Variants in VPS13C observed in about 807,000 individuals in gnomAD.
The protein encoded by VPS13C is intermembrane lipid transfer protein VPS13C.
A neutral mutation model predicts 456.8 loss-of-function variants in VPS13C; 358 were observed. The observed-to-expected ratio is 0.78, with a 90% CI of 0.72 to 0.86. VPS13C has a LOEUF of 0.86. Among genes scored for constraint, VPS13C ranks in the 40% least tolerant of loss-of-function variants. The probability of loss-of-function intolerance (pLI) is 0.00; values close to 1 mark genes in which losing one functional copy is unlikely to be tolerated. For synonymous variants in VPS13C, 1,578 were observed against 1,486.7 expected, an observed-to-expected ratio of 1.06 and a Z score of -1.41; for missense variants, 4,818 against 4,385.4, an observed-to-expected ratio of 1.10 and a Z score of -2.79.
intron 67 of VPS13C, among the ~76,000 whole-genome samples, chr15:61,886,337 A>AC (rs1248514202): frequency 6.6e-6 from 1 of 152,150 alleles, no homozygotes; most frequent in African/African-American, 2.4e-5. Context: ...TATACTGTCA[A>AC]CATATATTGC....
Position 61,880,830 on chromosome 15 carries a change from T to G in VPS13C, c.9888+13A>C, listed in dbSNP as rs761220846. 8.9e-6 allele frequency: 14 copies of G among 1,579,244 alleles called. No homozygotes were observed. Among genetic ancestry groups the G allele is most frequent in the Non-Finnish European group, 1.2e-5 (14 of 1,169,426 alleles). ...TTAATTTTATATTTTCCCCAAGAAA[T>G]AAAAATTTTTACCCGTCTTCTTTCA... is the stretch of plus-strand genomic sequence containing the variant. On this transcript the variant is annotated intron_variant, in intron 72 of 84. Coordinates refer to ENST00000644861, the MANE Select transcript of VPS13C (RefSeq NM_020821.3).
intron 53 of VPS13C, among the ~76,000 whole-genome samples, chr15:61,923,861 C>CTTTTTT (rs1188960583): frequency 0.015 from 1,097 of 75,136 alleles, 128 homozygotes; most frequent in Middle Eastern, 0.034. Flanking sequence ...CCCTCTAAAT[C>CTTTTTT]TTTTTTTTTT....
At chr15:61,982,905 G>C (rs1267573054) in intron 20 of VPS13C, among the ~76,000 whole-genome samples, 1 of 152,150 alleles carries the variant, frequency 6.6e-6, no homozygotes, top group African/African-American at 2.4e-5. Flanking sequence ...CCTGTAATTA[G>C]ATTCCCTTGC....
chr15:61,930,095 C>T (rs891401781), intron 50 of VPS13C, among the ~76,000 whole-genome samples: 1 of 152,176 alleles, frequency 6.6e-6, no homozygotes, highest in African/African-American at 2.4e-5. Flanking sequence ...CAAAACAAAT[C>T]AGTGTAGTCA....
rs144767352 is a variant in VPS13C, at chr15:61,915,707, C to A, written c.8371G>T (p.Val2791Leu). The A allele has an allele frequency of 1.9e-6, 3 of 1,612,654 alleles. No homozygotes were observed. Among genetic ancestry groups the A allele is most frequent in the Admixed American group, 3.3e-5 (2 of 59,704 alleles). ...VLQYRSEDIHVKHPADFRDII... is the reference protein window; with the variant it reads ...VLQYRSEDIHLKHPADFRDII... ...TCCCTGAAATCAGCTGGATGTTTCA[C>A]ATGAATATCTTCTGAACGATACTGG... is the stretch of plus-strand genomic sequence containing the variant. The change falls in exon 61 of 85, where the codon GTG (valine) becomes TTG (leucine). Residue 2791 changes from valine to leucine, a missense_variant. Physicochemically the swap from Val to Leu is conservative, Grantham distance 32 (BLOSUM62 1). Coordinates refer to ENST00000644861, the MANE Select transcript of VPS13C (RefSeq NM_020821.3).
At chr15:61,956,334 G>C (rs973683119) in intron 37 of VPS13C, among the ~76,000 whole-genome samples, 1 of 151,744 alleles carries the variant, frequency 6.6e-6, no homozygotes, top group Non-Finnish European at 1.5e-5. Flanking sequence ...AGAGGGGAGA[G>C]GGGGGGACTG....
chr15:61,982,136 A>G (rs138837251), intron 21 of VPS13C, among the ~76,000 whole-genome samples: 1 of 152,202 alleles, frequency 6.6e-6, no homozygotes, highest in Non-Finnish European at 1.5e-5. Context: ...AGTATCTTTC[A>G]AACTATATTC....
Position 61,854,197 on chromosome 15 carries a change from C to G in VPS13C, c.*260G>C, listed in dbSNP as rs959304002. 13 of 479,260 alleles carry G rather than the reference C, an allele frequency of 2.7e-5. No individual in the cohort carries two copies. Among genetic ancestry groups the G allele is most frequent in the Non-Finnish European group, 3.7e-5 (10 of 267,900 alleles). 29.7% of individuals were successfully genotyped at this position (479,260 alleles called of 1,614,324 possible). ...TTTTAATATTAATGAAAATTTCATT[C>G]TGAGTTTGAAGTGACGTTTCTTCAA... On this transcript the variant is annotated 3_prime_UTR_variant, in exon 85 of 85. Coordinates refer to ENST00000644861, the MANE Select transcript of VPS13C (RefSeq NM_020821.3).
rs113322689 is a variant in VPS13C, at chr15:61,856,749, G to A, written c.10953-340C>T. 1.5e-3 allele frequency: 278 copies of A among 188,484 alleles called. 1 individual carries two copies. Among genetic ancestry groups the A allele is most frequent in the Middle Eastern group, 4.7e-3 (2 of 426 alleles). 11.7% of individuals were successfully genotyped at this position (188,484 alleles called of 1,614,324 possible). ...AAAGCTGATAGGGAAATCATCTTTG[G>A]AACACATAAGAAACAGGCTGTACTC... On this transcript the variant is annotated intron_variant, in intron 82 of 84. Transcript: ENST00000644861.
chr15:61,899,433 T>A (rs1022747507), intron 66 of VPS13C, among the ~76,000 whole-genome samples: 1 of 150,494 alleles, frequency 6.6e-6, no homozygotes, highest in Non-Finnish European at 1.5e-5. Context: ...TCACCACCGA[T>A]CCCACACAAA....
chr15:61,923,303 T>C (rs1439061365), intron 53 of VPS13C, among the ~76,000 whole-genome samples: 2 of 152,122 alleles, frequency 1.3e-5, no homozygotes, highest in African/African-American at 4.8e-5. Flanking sequence ...CCAAGATCTA[T>C]AAATCCTACC....
At chr15:62,057,100 T>C (rs1177897362) in intron 1 of VPS13C, among the ~76,000 whole-genome samples, 5 of 152,098 alleles carry the variant, frequency 3.3e-5, no homozygotes, top group Non-Finnish European at 5.9e-5. Context: ...CACTCTCTCG[T>C]CGCCGCACAC....
chr15:61,989,915 C>T (rs11639482), intron 18 of VPS13C, among the ~76,000 whole-genome samples: 60,696 of 151,986 alleles, frequency 0.4, 13,322 homozygotes, highest in Admixed American at 0.52. Context: ...CCTCAGTAAA[C>T]GTTATCTTAC....
At chr15:61,905,954 G>A (rs1453270438) in intron 66 of VPS13C, among the ~76,000 whole-genome samples, 1 of 152,036 alleles carries the variant, frequency 6.6e-6, no homozygotes, top group African/African-American at 2.4e-5. Flanking sequence ...AGTTGAGGAT[G>A]CCAGGCATAC....
Position 61,909,134 on chromosome 15 carries a change from G to T in VPS13C, c.8845-9C>A. On this transcript the variant is annotated splice_polypyrimidine_tract_variant and intron_variant, in intron 64 of 84. Coordinates refer to ENST00000644861, the MANE Select transcript of VPS13C (RefSeq NM_020821.3). ...ACCAAGATACCCCCATTCTATTGTA[G>T]AAAAAAAAAAAGTATGTTTGATGTA... 1.4e-6 allele frequency: 2 copies of T among 1,449,166 alleles called. No individual in the cohort carries two copies. The highest frequency in any genetic ancestry group is 1.9e-6 in the Non-Finnish European group (2 of 1,065,690). 89.8% of individuals were successfully genotyped at this position (1,449,166 alleles called of 1,614,324 possible).
chr15:61,899,446 C>A (rs140158838), intron 66 of VPS13C, among the ~76,000 whole-genome samples: 5 of 152,090 alleles, frequency 3.3e-5, no homozygotes, highest in Admixed American at 2.0e-4. Context: ...CACACAAATA[C>A]AAACTACCTC....
rs2045589822 is a variant in VPS13C at position 61,972,634 on chromosome 15, T to G, written c.2748A>C (p.Glu916Asp). The change falls in exon 27 of 85, where the codon GAA becomes GAC. Residue 916 changes from glutamate (E) to aspartate (D), a missense_variant. Glu to Asp is a conservative substitution (Grantham distance 45). Around this residue, in one of 3 missense-constraint regions of VPS13C, gnomAD observed 4,552 missense variants for 4,130.6 expected, o/e 1.10. Coordinates refer to ENST00000644861, the MANE Select transcript of VPS13C (RefSeq NM_020821.3). ...EELINLLLKF[E>D]IKEVILEFTK... ...ACAAAAAAGCACATACTTCTTTAATTTCAAACTTGAGTAGAAGATTGATGA... is the reference window on the plus strand; with the variant it reads ...ACAAAAAAGCACATACTTCTTTAATGTCAAACTTGAGTAGAAGATTGATGA... 2 of 1,612,580 alleles carry G rather than the reference T, an allele frequency of 1.2e-6. No individual in the cohort carries two copies. The highest frequency in any genetic ancestry group is 1.3e-5 in the African/African-American group (1 of 74,828).
intron 3 of VPS13C, among the ~76,000 whole-genome samples, chr15:62,037,347 AT>A (rs1767704914): frequency 1.2e-5 from 1 of 86,254 alleles, no homozygotes; most frequent in Non-Finnish European, 2.2e-5. Flanking sequence ...TATATAATAT[AT>A]TATATATAAA....
intron 66 of VPS13C, chr15:61,906,733 A>G (rs2043162911): frequency 6.3e-6 from 1 of 159,682 alleles, no homozygotes; most frequent in Non-Finnish European, 1.4e-5. Flanking sequence ...GGAGGATGGT[A>G]TATGAATTCT....
Sources: allele counts gnomAD v4.1 joint callset (sites outside exome capture counted in the v4.1 genomes callset), GRCh38; gene constraint gnomAD v4.1.1; regional missense constraint gnomAD v4.1.1; transcripts MANE v1.5; gene names NCBI Gene and HGNC (gene_info 2026-07-23, HGNC 2026-07-21).